LRRTM3: variants seen among roughly 807,000 people sequenced by gnomAD.
The protein encoded by LRRTM3 is leucine-rich repeat transmembrane neuronal protein 3.
In LRRTM3, 24 loss-of-function variants were observed where a neutral mutation model predicts 44.7. The observed-to-expected ratio is 0.54, with a 90% CI of 0.39 to 0.76. The LOEUF (loss-of-function observed/expected upper bound fraction) is 0.76. LRRTM3 is among the 30% of genes least tolerant of loss of function. The pLI, the probability that LRRTM3 is intolerant of heterozygous loss-of-function variation, is 0.00. For missense variants in LRRTM3, 587 were observed against 702.2 expected (o/e 0.84, Z 1.85); for synonymous variants, 277 against 278.7 (o/e 0.99, Z 0.06).
intron 2 of LRRTM3, among the ~76,000 whole-genome samples, chr10:67,056,590 T>A (rs1468524195): frequency 6.6e-6 from 1 of 152,144 alleles, no homozygotes; most frequent in African/African-American, 2.4e-5. Context: ...ACAAACTTTC[T>A]AAAATATCCA....
At chr10:67,020,643 C>T (rs1282013368) in intron 2 of LRRTM3, among the ~76,000 whole-genome samples, 1 of 151,982 alleles carries the variant, frequency 6.6e-6, no homozygotes, top group Non-Finnish European at 1.5e-5. Context: ...CTTACTTCAA[C>T]GAACTTAAAA....
intron 2 of LRRTM3, among the ~76,000 whole-genome samples, chr10:66,988,204 C>A (rs1459237177): frequency 6.6e-6 from 1 of 152,102 alleles, no homozygotes; most frequent in East Asian, 1.9e-4. Context: ...ACTCAAGTAT[C>A]TTCATTGATT....
chr10:66,977,606 A>C (rs1040363745), intron 2 of LRRTM3, among the ~76,000 whole-genome samples: 3 of 152,196 alleles, frequency 2.0e-5, no homozygotes, highest in African/African-American at 7.2e-5. Context: ...CAGCATTCCT[A>C]TCTAAAGAGC....
At chr10:67,022,550 A>C (rs1853090298) in intron 2 of LRRTM3, among the ~76,000 whole-genome samples, 1 of 152,214 alleles carries the variant, frequency 6.6e-6, no homozygotes, top group African/African-American at 2.4e-5. Flanking sequence ...TATGCCTTCA[A>C]AAAAGTGAAT....
intron 2 of LRRTM3, among the ~76,000 whole-genome samples, chr10:67,050,990 A>G (rs956783432): frequency 2.6e-5 from 4 of 152,236 alleles, no homozygotes; most frequent in Admixed American, 6.5e-5. Context: ...ATATTTATTT[A>G]TTGAACTCTT....
intron 2 of LRRTM3, among the ~76,000 whole-genome samples, chr10:67,025,129 C>CAAAAAAAA (rs1206262968): frequency 3.9e-5 from 1 of 25,334 alleles, no homozygotes. Flanking sequence ...AAAACTCTGT[C>CAAAAAAAA]AAAAACAAAA....
chr10:66,975,824 T>C (rs188713934), intron 2 of LRRTM3, among the ~76,000 whole-genome samples: 3 of 152,338 alleles, frequency 2.0e-5, no homozygotes, highest in African/African-American at 7.2e-5. Context: ...TTTTGGTATT[T>C]TAAACTCCAT....
At chr10:67,093,675 C>T (rs147359330) in intron 2 of LRRTM3, among the ~76,000 whole-genome samples, 30 of 151,916 alleles carry the variant, frequency 2.0e-4, no homozygotes, top group African/African-American at 7.0e-4. Context: ...AAACTCCCCC[C>T]CAACAAAAGA....
chr10:66,971,630 G>GTAAA (rs1403979226), intron 2 of LRRTM3, among the ~76,000 whole-genome samples: 1 of 152,062 alleles, frequency 6.6e-6, no homozygotes, highest in African/African-American at 2.4e-5. Context: ...CCCACTTAGA[G>GTAAA]TAAACACTCA....
At chr10:67,060,871 T>G (rs917477748) in intron 2 of LRRTM3, among the ~76,000 whole-genome samples, 1 of 152,212 alleles carries the variant, frequency 6.6e-6, no homozygotes, top group African/African-American at 2.4e-5. Flanking sequence ...AAGCTATGAC[T>G]TTAACTAGTT....
At chr10:66,960,279 C>T (rs1319422684) in intron 2 of LRRTM3, among the ~76,000 whole-genome samples, 2 of 152,050 alleles carry the variant, frequency 1.3e-5, no homozygotes, top group African/African-American at 4.8e-5. Context: ...GATCACAAAT[C>T]TCCTACAAAA....
chr10:66,965,233 T>G (rs975746243), intron 2 of LRRTM3, among the ~76,000 whole-genome samples: 7 of 150,458 alleles, frequency 4.7e-5, no homozygotes, highest in Admixed American at 2.0e-4. Flanking sequence ...TTTTTTGGGG[T>G]TTTTTTGTTT....
In LRRTM3 at chr10:67,024,540, G is replaced by A. The variant is rs547060870; in HGVS notation, c.1537-73047G>A. Among the ~76,000 whole-genome samples, 496 of 152,190 alleles carry A rather than the reference G, an allele frequency of 3.3e-3. 5 individuals carry two copies. Among genetic ancestry groups the A allele is most frequent in the African/African-American group, 0.011 (466 of 41,512 alleles). On this transcript the variant is annotated intron_variant, in intron 2 of 2. Coordinates refer to ENST00000361320, the MANE Select transcript of LRRTM3 (RefSeq NM_178011.5). Reference sequence around the variant, plus strand: ...ATTATTTGGCCTACCATAAGACCACGTTAATATATGCTTCAAAGTCATTAT... The same window carrying A: ...ATTATTTGGCCTACCATAAGACCACATTAATATATGCTTCAAAGTCATTAT...
chr10:66,967,449 C>T (rs1190588842), intron 2 of LRRTM3, among the ~76,000 whole-genome samples: 2 of 151,476 alleles, frequency 1.3e-5, no homozygotes, highest in Non-Finnish European at 2.9e-5. Context: ...ATATGAATTA[C>T]AATTAATTAA....
intron 2 of LRRTM3, among the ~76,000 whole-genome samples, chr10:67,042,968 T>C (rs1490187563): frequency 1.3e-5 from 2 of 152,090 alleles, no homozygotes; most frequent in Non-Finnish European, 2.9e-5. Context: ...ACTGAGCAGC[T>C]AGGTCTCCAT....
chr10:67,039,170 C>A (rs1854247939), intron 2 of LRRTM3, among the ~76,000 whole-genome samples: 1 of 152,012 alleles, frequency 6.6e-6, no homozygotes, highest in Admixed American at 6.6e-5. Context: ...TGTTACCATA[C>A]TTAACATTAT....
At chr10:67,060,450 T>C (rs930907272) in intron 2 of LRRTM3, among the ~76,000 whole-genome samples, 1 of 152,214 alleles carries the variant, frequency 6.6e-6, no homozygotes, top group African/African-American at 2.4e-5. Context: ...CTCAAGTACA[T>C]AAAAGTAAAT....
chr10:66,986,475 C>T (rs879864889), intron 2 of LRRTM3, among the ~76,000 whole-genome samples: 30 of 150,164 alleles, frequency 2.0e-4, no homozygotes, highest in Admixed American at 3.3e-4. Context: ...CCAGCCTCAG[C>T]GACAGAGCAA....
At chr10:66,958,965 GGAGA>G (rs949559355) in intron 2 of LRRTM3, among the ~76,000 whole-genome samples, 1 of 152,008 alleles carries the variant, frequency 6.6e-6, no homozygotes, top group Admixed American at 6.6e-5. Context: ...TCAGACATAG[GGAGA>G]GAGAGTGTAA....
Sources: allele counts gnomAD v4.1 joint callset (sites outside exome capture counted in the v4.1 genomes callset), GRCh38; gene constraint gnomAD v4.1.1; transcripts MANE v1.5; gene names NCBI Gene and HGNC (gene_info 2026-07-23, HGNC 2026-07-21).